The following KDM5B variants were observed in gnomAD, a reference collection of about 807,000 sequenced individuals.
KDM5B encodes lysine demethylase 5B, also known as lysine-specific demethylase 5B.
In KDM5B, 144 loss-of-function variants were observed where a neutral mutation model predicts 193.4. That is an observed-to-expected ratio of 0.74 (90% confidence interval 0.65 to 0.86). KDM5B has a LOEUF of 0.86. KDM5B is among the 40% of genes least tolerant of loss of function. The pLI is 0.00. For synonymous variants in KDM5B, 668 were observed against 682.6 expected (o/e 0.98, Z 0.33); for missense variants, 1,833 against 1,886.9 (o/e 0.97, Z 0.53).
At chr1:202,759,848 G>A (rs1387878428) in intron 8 of KDM5B, among the ~76,000 whole-genome samples, 1 of 152,268 alleles carries the variant, frequency 6.6e-6, no homozygotes, top group African/African-American at 2.4e-5. Context: ...CAAAGAGCAT[G>A]TGATGCTTTT....
intron 1 of KDM5B, among the ~76,000 whole-genome samples, chr1:202,798,422 A>T (rs1240125861): frequency 1.3e-5 from 2 of 150,972 alleles, no homozygotes; most frequent in African/African-American, 4.9e-5. Flanking sequence ...GGTGTGAGCC[A>T]CTATGCTGGC....
chr1:202,803,621 C>T (rs986957298), intron 1 of KDM5B, among the ~76,000 whole-genome samples: 1 of 151,898 alleles, frequency 6.6e-6, no homozygotes, highest in Non-Finnish European at 1.5e-5. Flanking sequence ...GTCAGGAGTT[C>T]AAGACCAGCC....
intron 1 of KDM5B, among the ~76,000 whole-genome samples, chr1:202,783,750 G>A (rs552523817): frequency 6.6e-6 from 1 of 151,538 alleles, no homozygotes; most frequent in African/African-American, 2.4e-5. Context: ...GCGTGGTGGC[G>A]GGCGCCTGTA....
rs1655550898 is a variant in KDM5B at position 202,746,200 on chromosome 1, CAAG to C, written c.2137_2139del (p.Leu713del). 1.9e-6 allele frequency: 3 copies of C among 1,613,668 alleles called. No homozygotes were observed. Among genetic ancestry groups the C allele is most frequent in the Non-Finnish European group, 2.5e-6 (3 of 1,179,872 alleles). On this transcript the variant is annotated inframe_deletion, in exon 15 of 27. Coordinates refer to ENST00000367265, the MANE Select transcript of KDM5B (RefSeq NM_006618.5). ...AATTCTTTTACATGATGCAGGCAAACAAGAAGGCCAGGTTTACAAGAACAGGAG... is the reference window on the plus strand; with the variant it reads ...AATTCTTTTACATGATGCAGGCAAACAAGGCCAGGTTTACAAGAACAGGAG...
chr1:202,726,986 C>A lies in KDM5B; in HGVS notation c.*2050G>T, dbSNP rs368113158. On this transcript the variant is annotated 3_prime_UTR_variant, in exon 27 of 27. Coordinates refer to ENST00000367265, the MANE Select transcript of KDM5B (RefSeq NM_006618.5). ...CCAGGGAGGGAGTGGTTCAAATACA[C>A]ACATGCCTACCTTTTCTAACTCACT... 16 of 152,304 alleles carry A rather than the reference C, an allele frequency of 1.1e-4. No individual in the cohort carries two copies. Among genetic ancestry groups the A allele is most frequent in the African/African-American group, 3.9e-4 (16 of 41,558 alleles). The allele number at this position is 152,304 out of a possible 1,614,324, so 9.4% of individuals were successfully genotyped here.
intron 1 of KDM5B, among the ~76,000 whole-genome samples, chr1:202,783,414 A>G (rs1173058798): frequency 1.3e-5 from 2 of 152,038 alleles, no homozygotes; most frequent in African/African-American, 4.8e-5. Context: ...CTGGGGTGGG[A>G]GGATTAATTG....
chr1:202,753,279 C>T (rs992984849), intron 11 of KDM5B, among the ~76,000 whole-genome samples: 1 of 151,944 alleles, frequency 6.6e-6, no homozygotes, highest in African/African-American at 2.4e-5. Flanking sequence ...GGGTAGATCA[C>T]GAGGTCAGGA....
intron 1 of KDM5B, among the ~76,000 whole-genome samples, chr1:202,786,706 A>T (rs1657428014): frequency 6.6e-6 from 1 of 152,220 alleles, no homozygotes; most frequent in South Asian, 2.1e-4. Flanking sequence ...GAATAGATTT[A>T]AAATAATTTT....
At chr1:202,791,982 A>T (rs1296579230) in intron 1 of KDM5B, among the ~76,000 whole-genome samples, 2 of 152,198 alleles carry the variant, frequency 1.3e-5, no homozygotes, top group East Asian at 3.8e-4. Flanking sequence ...CTGGGATTAC[A>T]GGCATGAGCC....
At chr1:202,800,422 C>G (rs1245834176) in intron 1 of KDM5B, among the ~76,000 whole-genome samples, 2 of 152,034 alleles carry the variant, frequency 1.3e-5, no homozygotes, top group Admixed American at 6.6e-5. Flanking sequence ...CTCACCGCAA[C>G]CTGGAACTTC....
In KDM5B at chr1:202,742,505, T is replaced by C. The variant is rs1428342037; in HGVS notation, c.2475A>G (p.Arg825=). The C allele has an allele frequency of 1.9e-6, 3 of 1,613,650 alleles. No homozygotes were observed. In the South Asian group the frequency reaches 3.3e-5, roughly 18 times the overall value. Residue 825 remains arginine, a splice_region_variant and synonymous_variant, in exon 18 of 27, where the codon AGA becomes AGG. Coordinates refer to ENST00000367265, the MANE Select transcript of KDM5B (RefSeq NM_006618.5). ...GGGATTTCCCTCCACCAGATCGATATCTGTAAAGACAAAGGCCCAAGGAAG... is the reference window on the plus strand; with the variant it reads ...GGGATTTCCCTCCACCAGATCGATACCTGTAAAGACAAAGGCCCAAGGAAG... ...QQLLNGKRQT[R]YRSGGGKSQN...
In KDM5B at chr1:202,777,085, G is replaced by C; in HGVS notation, c.214C>G (p.Pro72Ala). The change falls in exon 2 of 27, where the codon CCA becomes GCA. Residue 72 changes from proline to alanine, a missense_variant. Physicochemically the swap from Pro to Ala is conservative, Grantham distance 27 (BLOSUM62 -1). Around this residue, in one of 3 missense-constraint regions of KDM5B, gnomAD observed 355 missense variants for 374.9 expected, o/e 0.95. Transcript: ENST00000367265. Reference protein sequence around the residue: ...CKVRPPPDWQPPFACDVDKLH... With the variant: ...CKVRPPPDWQAPFACDVDKLH... ...TTATCAACATCACATGCAAATGGTG[G>C]CTGCCAATCCTAGGAGAAAGCAAAG... 6.2e-7 allele frequency: 1 copy of C among 1,612,358 alleles called. No homozygotes were observed. The highest frequency in any genetic ancestry group is 1.7e-5 in the Admixed American group (1 of 60,014).
At chr1:202,803,771 TGACGTTGC>T (rs1658175485) in intron 1 of KDM5B, among the ~76,000 whole-genome samples, 1 of 151,316 alleles carries the variant, frequency 6.6e-6, no homozygotes, top group Non-Finnish European at 1.5e-5. Context: ...GTGAGCAACA[TGACGTTGC>T]GCCATGGCAC....
intron 16 of KDM5B, among the ~76,000 whole-genome samples, chr1:202,745,152 C>G (rs1655502826): frequency 1.3e-5 from 2 of 152,018 alleles, no homozygotes; most frequent in Admixed American, 1.3e-4. Context: ...TACAGGGGAA[C>G]AACACACAAT....
At chr1:202,774,187 ATCC>A (rs1398600069) in intron 3 of KDM5B, among the ~76,000 whole-genome samples, 1 of 152,232 alleles carries the variant, frequency 6.6e-6, no homozygotes, top group Non-Finnish European at 1.5e-5. Context: ...AGACCTGATG[ATCC>A]TCATCACTCA....
chr1:202,745,265 A>G (rs1049605327), intron 16 of KDM5B, among the ~76,000 whole-genome samples: 10 of 152,222 alleles, frequency 6.6e-5, no homozygotes, highest in African/African-American at 2.4e-4. Context: ...TCTGTACAAC[A>G]AACGCCCATG....
chr1:202,729,860 A>G lies in KDM5B; in HGVS notation c.4344T>C (p.Asn1448=). The G allele has an allele frequency of 1.9e-6, 3 of 1,614,138 alleles. No individual in the cohort carries two copies. Among genetic ancestry groups the G allele is most frequent in the Non-Finnish European group, 2.5e-6 (3 of 1,180,014 alleles). ...IKLSHPKDMN[N]FKLERERSYE... ...AGCTACGCTCTCTCTCTAACTTGAA[A>G]TTGTTCATGTCCTTGGGGTGGCTCA... Residue 1448 remains asparagine (N), a synonymous_variant, in exon 26 of 27, where the codon AAT becomes AAC. Coordinates refer to ENST00000367265, the MANE Select transcript of KDM5B (RefSeq NM_006618.5).
intron 1 of KDM5B, among the ~76,000 whole-genome samples, chr1:202,795,587 G>T (rs1369802100): frequency 6.6e-6 from 1 of 151,644 alleles, no homozygotes; most frequent in Admixed American, 6.6e-5. Flanking sequence ...AGAGGCAGAG[G>T]TTGCAGTGAG....
chr1:202,804,759 C>T (rs911810981), intron 1 of KDM5B, among the ~76,000 whole-genome samples: 1 of 151,364 alleles, frequency 6.6e-6, no homozygotes. Flanking sequence ...CCTGTAATCC[C>T]AGCACTTTGG....
Sources: gnomAD v4.1 joint callset for allele counts (sites outside exome capture counted in the v4.1 genomes callset) on GRCh38, gnomAD v4.1.1 for gene constraint, gnomAD v4.1.1 regional missense constraint, MANE v1.5 for transcripts, NCBI Gene and HGNC (gene_info 2026-07-23, HGNC 2026-07-21) for gene names.